Variants in PLXDC2 observed in about 807,000 individuals in gnomAD.
PLXDC2 encodes the protein plexin domain-containing protein 2.
In PLXDC2, 40 loss-of-function variants were observed where a neutral mutation model predicts 68.9. That is an observed-to-expected ratio of 0.58 (90% confidence interval 0.45 to 0.76). The LOEUF is 0.76. Among genes scored for constraint, PLXDC2 ranks in the 30% least tolerant of loss-of-function variants. PLXDC2 has a pLI of 0.00. For synonymous variants in PLXDC2, 243 were observed against 234.2 expected (o/e 1.04, Z -0.34); for missense variants, 644 against 661.9 (o/e 0.97, Z 0.30).
chr10:19,925,810 G>C (rs1273906113), intron 1 of PLXDC2, among the ~76,000 whole-genome samples: 1 of 152,176 alleles, frequency 6.6e-6, no homozygotes, highest in Non-Finnish European at 1.5e-5. Flanking sequence ...ACTTAGGTGA[G>C]GAATAGCATT....
intron 1 of PLXDC2, among the ~76,000 whole-genome samples, chr10:19,861,596 G>C (rs1837320854): frequency 6.6e-6 from 1 of 151,994 alleles, no homozygotes; most frequent in Non-Finnish European, 1.5e-5. Context: ...TTCACCTAAG[G>C]TACTATCCTC....
chr10:20,055,994 A>G (rs1323438213), intron 3 of PLXDC2, among the ~76,000 whole-genome samples: 1 of 152,142 alleles, frequency 6.6e-6, no homozygotes. Flanking sequence ...AAAAAATAGT[A>G]GGGATTCAAA....
At chr10:20,044,075 G>T (rs922324820) in intron 2 of PLXDC2, among the ~76,000 whole-genome samples, 2 of 71,630 alleles carry the variant, frequency 2.8e-5, no homozygotes, top group South Asian at 3.8e-4. Context: ...ATAGACTTGC[G>T]CAGGGATCTG....
At chr10:20,170,385 T>A (rs1228468262) in intron 7 of PLXDC2, among the ~76,000 whole-genome samples, 2 of 152,182 alleles carry the variant, frequency 1.3e-5, no homozygotes, top group African/African-American at 4.8e-5. Context: ...AGACGGGGTT[T>A]CACTATGTTG....
In PLXDC2 at chr10:19,820,117, A is replaced by G. The variant is rs556082928; in HGVS notation, c.112+2926A>G. Among the ~76,000 whole-genome samples the G allele has an allele frequency of 5.6e-4, 86 of 152,280 alleles. 2 individuals carry two copies. In the South Asian group the frequency reaches 0.018, roughly 31 times the overall value. The stretch of plus-strand genomic sequence containing the variant: ...CTGAGACATAATTGTAGTGTAGAAC[A>G]TTTATATCAAAGGTAATTTTTGTTG... On this transcript the variant is annotated intron_variant, in intron 1 of 13. Coordinates refer to ENST00000377252, the MANE Select transcript of PLXDC2 (RefSeq NM_032812.9).
intron 3 of PLXDC2, among the ~76,000 whole-genome samples, chr10:20,050,516 G>GA (rs908263133): frequency 2.8e-4 from 43 of 151,548 alleles, no homozygotes; most frequent in Non-Finnish European, 5.2e-4. Flanking sequence ...AAATTTACAA[G>GA]AAAAAAACGC....
chr10:20,193,254 A>T (rs1834792844), intron 9 of PLXDC2, among the ~76,000 whole-genome samples: 1 of 152,230 alleles, frequency 6.6e-6, no homozygotes, highest in Admixed American at 6.6e-5. Context: ...CTGGCCTACT[A>T]CAGTACAAGT....
At chr10:20,253,427 C>T (rs1332705552) in intron 13 of PLXDC2, among the ~76,000 whole-genome samples, 2 of 151,266 alleles carry the variant, frequency 1.3e-5, no homozygotes, top group Admixed American at 6.6e-5. Flanking sequence ...GGGAAACACT[C>T]TCACCATTCT....
At chr10:20,178,875 G>A (rs983485551) in intron 9 of PLXDC2, among the ~76,000 whole-genome samples, 8 of 151,868 alleles carry the variant, frequency 5.3e-5, no homozygotes, top group Non-Finnish European at 8.8e-5. Flanking sequence ...AAGCAAGCAG[G>A]TAGTTTGCAG....
chr10:20,214,454 A>C (rs936637562), intron 10 of PLXDC2, among the ~76,000 whole-genome samples: 6 of 152,114 alleles, frequency 3.9e-5, no homozygotes, highest in African/African-American at 1.4e-4. Context: ...CCTGTCTACT[A>C]CTGCTGCAAG....
chr10:20,238,924 T>C (rs1215361678), intron 12 of PLXDC2, among the ~76,000 whole-genome samples: 1 of 151,756 alleles, frequency 6.6e-6, no homozygotes, highest in African/African-American at 2.4e-5. Flanking sequence ...GTATATTATC[T>C]TGGATACTAT....
chr10:20,189,504 T>TATATATATATATATACAC (rs1554773611), intron 9 of PLXDC2, among the ~76,000 whole-genome samples: 39 of 121,588 alleles, frequency 3.2e-4, no homozygotes, highest in African/African-American at 1.1e-3. Context: ...TATATATATA[T>TATATATATATATATACAC]ACACATACAC....
intron 1 of PLXDC2, among the ~76,000 whole-genome samples, chr10:19,919,638 A>G (rs1271519574): frequency 3.3e-5 from 5 of 152,222 alleles, no homozygotes; most frequent in Admixed American, 2.6e-4. Flanking sequence ...GGTATTATAT[A>G]ATACATTTTC....
chr10:20,177,641 G>C (rs74972937), intron 9 of PLXDC2, among the ~76,000 whole-genome samples: 1 of 151,638 alleles, frequency 6.6e-6, no homozygotes, highest in South Asian at 2.1e-4. Context: ...TGGCAGGTGC[G>C]TGCCTGTAGT....
intron 1 of PLXDC2, among the ~76,000 whole-genome samples, chr10:19,838,108 T>C (rs956627456): frequency 6.6e-6 from 1 of 152,086 alleles, no homozygotes; most frequent in Non-Finnish European, 1.5e-5. Context: ...CAAACCGTCT[T>C]TCCACCCCAG....
At chr10:20,215,397 C>T (rs1464859080) in intron 10 of PLXDC2, among the ~76,000 whole-genome samples, 1 of 152,054 alleles carries the variant, frequency 6.6e-6, no homozygotes, top group Non-Finnish European at 1.5e-5. Context: ...AGACTGATCT[C>T]TCTGGAAATA....
chr10:19,851,742 T>G (rs1837121575), intron 1 of PLXDC2, among the ~76,000 whole-genome samples: 1 of 152,116 alleles, frequency 6.6e-6, no homozygotes, highest in Admixed American at 6.6e-5. Context: ...AAAACCTGGT[T>G]TGACGGTGTT....
intron 13 of PLXDC2, among the ~76,000 whole-genome samples, chr10:20,275,849 G>T (rs907598888): frequency 3.9e-5 from 6 of 152,070 alleles, no homozygotes; most frequent in African/African-American, 4.8e-5. Flanking sequence ...GAAGGCAGAG[G>T]TTGCAGTGAG....
intron 13 of PLXDC2, among the ~76,000 whole-genome samples, chr10:20,275,683 C>A (rs1171975722): frequency 1.3e-5 from 2 of 151,908 alleles, no homozygotes; most frequent in Non-Finnish European, 2.9e-5. Context: ...GAGGCTGAGG[C>A]GGGTGGATCA....
Sources: allele counts gnomAD v4.1 joint callset (sites outside exome capture counted in the v4.1 genomes callset), GRCh38; gene constraint gnomAD v4.1.1; transcripts MANE v1.5; gene names NCBI Gene and HGNC (gene_info 2026-07-23, HGNC 2026-07-21).